TNPO1: variants seen among roughly 807,000 people sequenced by gnomAD.
The protein encoded by TNPO1 is transportin 1.
Under a neutral mutation model 119.5 loss-of-function variants are expected in TNPO1, and 8 were observed. The observed-to-expected ratio is 0.07, with a 90% CI of 0.04 to 0.12. The LOEUF (loss-of-function observed/expected upper bound fraction) is 0.12. TNPO1 is among the 10% of genes least tolerant of loss of function. The probability of loss-of-function intolerance (pLI) is 1.00; values close to 1 mark genes in which losing one functional copy is unlikely to be tolerated. For missense variants in TNPO1, 576 were observed against 1,089.8 expected, an observed-to-expected ratio of 0.53 and a Z score of 6.64; for synonymous variants, 362 against 363.0, an observed-to-expected ratio of 1.00 and a Z score of 0.03.
At chr5:72,863,050 GT>G (rs774981106) in intron 5 of TNPO1, among the ~76,000 whole-genome samples, 27 of 150,460 alleles carry the variant, frequency 1.8e-4, no homozygotes, top group Admixed American at 3.3e-4. Flanking sequence ...TTTTTTTGGG[GT>G]TTTTTTGCCA....
At chr5:72,824,327 T>C (rs113458341) in intron 1 of TNPO1, among the ~76,000 whole-genome samples, 3 of 152,370 alleles carry the variant, frequency 2.0e-5, no homozygotes, top group Admixed American at 6.5e-5. Context: ...TTTGTTTCCT[T>C]TGGGAGCAGT....
At chr5:72,861,695 G>A (rs1170783078) in intron 4 of TNPO1, 113 bp from the exon 5 acceptor site, 10 of 734,636 alleles carry the variant, frequency 1.4e-5, no homozygotes, top group Non-Finnish European at 2.3e-5. Context: ...GAGCCACCAT[G>A]CCTGGCCAAA....
At position 72,908,924 on chromosome 5, in the gene TNPO1, C is replaced by G. The variant is rs1439842262; in HGVS notation, c.*251C>G. The G allele has an allele frequency of 3.1e-5, 14 of 452,678 alleles. No individual in the cohort carries two copies. The highest frequency in any genetic ancestry group is 2.2e-4 in the South Asian group (14 of 63,930). 28.0% of individuals were successfully genotyped at this position (452,678 alleles called of 1,614,324 possible). On this transcript the variant is annotated 3_prime_UTR_variant, in exon 25 of 25. Transcript: ENST00000337273. ...GGTGGAAATATGTCTCCAGTTACAACTCCGCAGTGGATGTGAAGAAGCAAA... is the reference window on the plus strand; with the variant it reads ...GGTGGAAATATGTCTCCAGTTACAAGTCCGCAGTGGATGTGAAGAAGCAAA...
At chr5:72,878,173 T>C (rs1035687122) in intron 9 of TNPO1, among the ~76,000 whole-genome samples, 6 of 152,184 alleles carry the variant, frequency 3.9e-5, no homozygotes, top group African/African-American at 1.4e-4. Flanking sequence ...GAGACTGTTC[T>C]CTGCCATTGA....
chr5:72,887,230 T>C lies in TNPO1; in HGVS notation c.1303+8T>C, dbSNP rs1368350155. 8.4e-7 allele frequency: 1 copy of C among 1,183,584 alleles called. No individual in the cohort carries two copies. Among genetic ancestry groups the C allele is most frequent in the South Asian group, 1.2e-5 (1 of 81,260 alleles). The allele number at this position is 1,183,584 out of a possible 1,614,324, so 73.3% of individuals were successfully genotyped here. A position where few individuals can be genotyped will look rare whatever the true frequency, so the allele number is the denominator to read the frequency against. On this transcript the variant is annotated splice_region_variant and intron_variant, in intron 12 of 24. Coordinates refer to ENST00000337273, the MANE Select transcript of TNPO1 (RefSeq NM_002270.4). ...TAGGAGCAATTGCTGAAGGTAAGCCTAAGTCCAGTTTGAATTATGTAAGTT... is the reference window on the plus strand; with the variant it reads ...TAGGAGCAATTGCTGAAGGTAAGCCCAAGTCCAGTTTGAATTATGTAAGTT...
At position 72,912,716 on chromosome 5, in the gene TNPO1, A is replaced by G. The variant is rs1044336781; in HGVS notation, c.*4043A>G. 2.0e-5 allele frequency: 3 copies of G among 152,356 alleles called. No homozygotes were observed. Among genetic ancestry groups the G allele is most frequent in the Admixed American group, 6.5e-5 (1 of 15,278 alleles). The allele number at this position is 152,356 out of a possible 1,614,324, so 9.4% of individuals were successfully genotyped here. On this transcript the variant is annotated 3_prime_UTR_variant, in exon 25 of 25. Coordinates refer to ENST00000337273, the MANE Select transcript of TNPO1 (RefSeq NM_002270.4). Reference sequence around the variant, plus strand: ...AGGAAAGTGGAAATTTTTCTCCCCTATATAAAATTATTCTGCCTAGCAGAA... The same window carrying G: ...AGGAAAGTGGAAATTTTTCTCCCCTGTATAAAATTATTCTGCCTAGCAGAA...
chr5:72,875,778 C>T (rs566628524), intron 8 of TNPO1, 41 bp downstream of exon 8: 3 of 1,573,710 alleles, frequency 1.9e-6, no homozygotes, highest in East Asian at 2.3e-5. Context: ...CATCTTTCCC[C>T]TAAGAGAAAT....
chr5:72,908,945 GCA>G lies in TNPO1; in HGVS notation c.*273_*274del. The G allele has an allele frequency of 7.3e-6, 3 of 408,932 alleles. No individual in the cohort carries two copies. Among genetic ancestry groups the G allele is most frequent in the Non-Finnish European group, 4.8e-6 (1 of 208,640 alleles). The allele number at this position is 408,932 out of a possible 1,614,324, so 25.3% of individuals were successfully genotyped here. A position where few individuals can be genotyped will look rare whatever the true frequency, so the allele number is the denominator to read the frequency against. ...ACAACTCCGCAGTGGATGTGAAGAAGCAAAAAAAAAAAAATCTATTCAGTCTA... is the reference window on the plus strand; with the variant it reads ...ACAACTCCGCAGTGGATGTGAAGAAGAAAAAAAAAAAATCTATTCAGTCTA... On this transcript the variant is annotated 3_prime_UTR_variant, in exon 25 of 25. Coordinates refer to ENST00000337273, the MANE Select transcript of TNPO1 (RefSeq NM_002270.4).
In TNPO1 at chr5:72,908,946, CAA is replaced by C. The variant is rs542484816; in HGVS notation, c.*285_*286del. The C allele has an allele frequency of 3.6e-3, 1,253 of 352,430 alleles. No homozygotes were observed. Among genetic ancestry groups the C allele is most frequent in the South Asian group, 4.6e-3 (223 of 48,430 alleles). 21.8% of individuals were successfully genotyped at this position (352,430 alleles called of 1,614,324 possible). On this transcript the variant is annotated 3_prime_UTR_variant, in exon 25 of 25. Transcript: ENST00000337273. ...CAACTCCGCAGTGGATGTGAAGAAG[CAA>C]AAAAAAAAAAATCTATTCAGTCTAC...
Position 72,816,705 on chromosome 5 carries a change from C to T in TNPO1, c.-33C>T. 2 of 1,560,618 alleles carry T rather than the reference C, an allele frequency of 1.3e-6. No homozygotes were observed. Among genetic ancestry groups the T allele is most frequent in the South Asian group, 1.2e-5 (1 of 83,920 alleles). On this transcript the variant is annotated 5_prime_UTR_variant, in exon 1 of 25. Transcript: ENST00000337273. ...CCCCGGACAGGAGGCAGTGCCGCTT[C>T]GGCCGAAGGCCCGAGCGCCCGAGGC... is the stretch of plus-strand genomic sequence containing the variant.
At chr5:72,878,003 A>G (rs1295324872) in intron 9 of TNPO1, among the ~76,000 whole-genome samples, 1 of 152,126 alleles carries the variant, frequency 6.6e-6, no homozygotes, top group African/African-American at 2.4e-5. Flanking sequence ...TAAATATACT[A>G]TTTAATGGTT....
intron 6 of TNPO1, among the ~76,000 whole-genome samples, chr5:72,870,795 C>T (rs573646317): frequency 3.3e-5 from 5 of 152,122 alleles, no homozygotes; most frequent in African/African-American, 1.2e-4. Flanking sequence ...CTTACATGCA[C>T]ACAAAAAAAA....
rs147429595 is a variant in TNPO1, at chr5:72,838,570, T to A, written c.16-9815T>A. Among the ~76,000 whole-genome samples the A allele has an allele frequency of 5.1e-4, 78 of 152,304 alleles. 2 individuals carry two copies. Among genetic ancestry groups the A allele is most frequent in the African/African-American group, 1.7e-3 (71 of 41,578 alleles). ...TCCTTAAATTCAGTAAGTATAGCTA[T>A]AATTAGTAACTTTCCTGGTGCTCAT... is the stretch of plus-strand genomic sequence containing the variant. On this transcript the variant is annotated intron_variant, in intron 1 of 24. Coordinates refer to ENST00000337273, the MANE Select transcript of TNPO1 (RefSeq NM_002270.4).
At chr5:72,907,087 C>G (rs1162410647) in intron 24 of TNPO1, among the ~76,000 whole-genome samples, 2 of 152,124 alleles carry the variant, frequency 1.3e-5, no homozygotes, top group Admixed American at 6.5e-5. Context: ...TAGAAATGGA[C>G]TCAAAGCTTC....
chr5:72,904,022 T>G (rs1382776066), intron 23 of TNPO1, among the ~76,000 whole-genome samples: 2 of 152,256 alleles, frequency 1.3e-5, no homozygotes, highest in Non-Finnish European at 2.9e-5. Flanking sequence ...ACCACTAGTT[T>G]AGGTGGTCCC....
chr5:72,845,062 T>A (rs1745071332), intron 1 of TNPO1, among the ~76,000 whole-genome samples: 1 of 137,122 alleles, frequency 7.3e-6, no homozygotes, highest in Non-Finnish European at 1.5e-5. Context: ...GTATTTTGGC[T>A]TGTTGAAATG....
At chr5:72,877,122 C>T (rs1747853525) in intron 8 of TNPO1, 106 bp from the exon 9 acceptor site, 1 of 505,522 alleles carries the variant, frequency 2.0e-6, no homozygotes. Flanking sequence ...AAAAAATTGC[C>T]TAGGTTGAAA....
At chr5:72,860,638 G>A (rs1022279274) in intron 4 of TNPO1, among the ~76,000 whole-genome samples, 16 of 152,256 alleles carry the variant, frequency 1.1e-4, no homozygotes, top group Non-Finnish European at 1.9e-4. Flanking sequence ...GATCCAGTAA[G>A]TGGGAACTGT....
At chr5:72,901,474 A>C (rs552707306) in intron 22 of TNPO1, among the ~76,000 whole-genome samples, 1 of 152,364 alleles carries the variant, frequency 6.6e-6, no homozygotes, top group African/African-American at 2.4e-5. Flanking sequence ...AAATACTTTG[A>C]ATCAGATTTA....
Sources: allele counts gnomAD v4.1 joint callset (sites outside exome capture counted in the v4.1 genomes callset), GRCh38; gene constraint gnomAD v4.1.1; transcripts MANE v1.5; gene names NCBI Gene and HGNC (gene_info 2026-07-23, HGNC 2026-07-21).